The following PIK3C2A variants were observed in gnomAD, a reference collection of about 807,000 sequenced individuals.
PIK3C2A encodes the protein phosphatidylinositol 4-phosphate 3-kinase C2 domain-containing subunit alpha.
In PIK3C2A, 97 loss-of-function variants were observed where a neutral mutation model predicts 204.5. The ratio of observed to expected loss-of-function variants is 0.47; its 90% CI spans 0.40 to 0.56. The LOEUF (loss-of-function observed/expected upper bound fraction) is 0.56, where lower values mean the gene tolerates loss of function less well. Ranked by LOEUF, PIK3C2A falls within the 20% of genes least tolerant of loss-of-function variation. The pLI is 0.00. For synonymous variants in PIK3C2A, 653 were observed against 664.4 expected (o/e 0.98, Z 0.26); for missense variants, 1,735 against 1,969.2 (o/e 0.88, Z 2.25).
At chr11:17,137,423 C>CTTTTTTTCTT (rs146080224) in intron 8 of PIK3C2A, among the ~76,000 whole-genome samples, 1 of 125,050 alleles carries the variant, frequency 8.0e-6, no homozygotes, top group African/African-American at 3.0e-5. Context: ...ATTACTTTGC[C>CTTTTTTTCTT]TTTTTTTTTG....
rs143379015 is a variant in PIK3C2A at position 17,168,843 on chromosome 11, G to C, written c.899C>G (p.Ala300Gly). The C allele has an allele frequency of 6.2e-7, 1 of 1,614,052 alleles. No homozygotes were observed. Among genetic ancestry groups the C allele is most frequent in the South Asian group, 1.1e-5 (1 of 91,076 alleles). The change falls in exon 2 of 33, where the codon GCA becomes GGA. Residue 300 changes from alanine to glycine, a missense_variant. By Grantham distance (60) the Ala-to-Gly change is moderately conservative. Around this residue, in one of 6 missense-constraint regions of PIK3C2A, gnomAD observed 536 missense variants for 546.7 expected, o/e 0.98. Coordinates refer to ENST00000691414, the MANE Select transcript of PIK3C2A (RefSeq NM_002645.4). The part of the protein sequence containing the change: ...EEEKNVSSLL[A>G]KDPWDAVLLE... ...AAGAACAGCATCCCAAGGATCCTTT[G>C]CTAGCAAACTTGAAACATTTTTCTC...
intron 23 of PIK3C2A, among the ~76,000 whole-genome samples, chr11:17,104,707 A>G (rs11608038): frequency 0.25 from 34,292 of 139,264 alleles, 5,050 homozygotes; most frequent in East Asian, 0.38. Context: ...CCTGGGTGAC[A>G]GAGTGAGACT....
intron 1 of PIK3C2A, among the ~76,000 whole-genome samples, chr11:17,185,188 T>C (rs1851712892): frequency 6.6e-6 from 1 of 152,178 alleles, no homozygotes; most frequent in African/African-American, 2.4e-5. Context: ...GCCTTTTCTA[T>C]GTTTAGATAC....
intron 21 of PIK3C2A, among the ~76,000 whole-genome samples, chr11:17,111,455 C>G (rs1026560893): frequency 6.6e-6 from 1 of 152,104 alleles, no homozygotes. Flanking sequence ...TACTTTTTAA[C>G]TAAAACTTGA....
At chr11:17,151,685 C>T (rs780383707) in intron 3 of PIK3C2A, among the ~76,000 whole-genome samples, 1 of 152,030 alleles carries the variant, frequency 6.6e-6, no homozygotes, top group Non-Finnish European at 1.5e-5. Context: ...CTACTACTTA[C>T]CTGATAGGGT....
At chr11:17,172,099 G>C (rs932120626) in intron 1 of PIK3C2A, among the ~76,000 whole-genome samples, 1 of 152,146 alleles carries the variant, frequency 6.6e-6, no homozygotes, top group Non-Finnish European at 1.5e-5. Flanking sequence ...CTGGATAGTA[G>C]GGAATAGGAG....
chr11:17,095,851 C>G (rs1848438908), intron 27 of PIK3C2A, among the ~76,000 whole-genome samples: 1 of 147,840 alleles, frequency 6.8e-6, no homozygotes, highest in African/African-American at 2.5e-5. Context: ...CTGGGAGGCA[C>G]AGGTTTCAGG....
intron 9 of PIK3C2A, among the ~76,000 whole-genome samples, chr11:17,136,116 G>C (rs1565266249): frequency 6.6e-6 from 1 of 152,108 alleles, no homozygotes; most frequent in Non-Finnish European, 1.5e-5. Flanking sequence ...TCAGTGATTA[G>C]AACTTCCCTC....
At chr11:17,145,271 C>A (rs1403072517) in intron 8 of PIK3C2A, among the ~76,000 whole-genome samples, 2 of 152,106 alleles carry the variant, frequency 1.3e-5, no homozygotes, top group African/African-American at 2.4e-5. Flanking sequence ...ATGTCCCCCC[C>A]AAATCTCACC....
chr11:17,090,148 A>G (rs1016483676), intron 32 of PIK3C2A, among the ~76,000 whole-genome samples: 2 of 152,226 alleles, frequency 1.3e-5, no homozygotes, highest in African/African-American at 4.8e-5. Flanking sequence ...AGAGAGATAC[A>G]AAGCAAGACT....
chr11:17,180,872 T>A (rs1425628499), intron 1 of PIK3C2A, among the ~76,000 whole-genome samples: 1 of 152,176 alleles, frequency 6.6e-6, no homozygotes, highest in Non-Finnish European at 1.5e-5. Context: ...TGCCTTCAAA[T>A]CAAGGGTTCC....
At chr11:17,193,868 A>AGGAGGGGAGGGGAGGGGAGGGGAGG (rs1565305762) in intron 1 of PIK3C2A, 1 of 106,128 alleles carries the variant, frequency 9.4e-6, no homozygotes. Flanking sequence ...AAAAGAAAAG[A>AGGAGGGGAGGGGAGGGGAGGGGAGG]AAAGAAAAGA....
chr11:17,098,365 G>C (rs1214608395), intron 26 of PIK3C2A, among the ~76,000 whole-genome samples: 1 of 152,210 alleles, frequency 6.6e-6, no homozygotes, highest in South Asian at 2.1e-4. Flanking sequence ...GAGAGAGCTA[G>C]TTCTCCCTAC....
At chr11:17,205,910 C>A (rs542671308) in intron 1 of PIK3C2A, among the ~76,000 whole-genome samples, 2 of 152,308 alleles carry the variant, frequency 1.3e-5, no homozygotes, top group African/African-American at 4.8e-5. Flanking sequence ...CACTTGAGGT[C>A]AGGAGTTCGA....
At chr11:17,105,398 C>T in intron 22 of PIK3C2A, 93 bp from the exon 23 acceptor site, 1 of 1,100,816 alleles carries the variant, frequency 9.1e-7, no homozygotes, top group Non-Finnish European at 1.3e-6. Flanking sequence ...TTAAATTTCA[C>T]TTTAAGTTCT....
chr11:17,202,903 CTG>C (rs535808013), intron 1 of PIK3C2A, among the ~76,000 whole-genome samples: 158 of 152,260 alleles, frequency 1.0e-3, no homozygotes, highest in African/African-American at 3.7e-3. Context: ...AATAATGTAA[CTG>C]TTATACTGTA....
intron 1 of PIK3C2A, among the ~76,000 whole-genome samples, chr11:17,186,636 A>T (rs1565300664): frequency 6.6e-6 from 1 of 152,228 alleles, no homozygotes; most frequent in Non-Finnish European, 1.5e-5. Context: ...ATATGCCGTC[A>T]ATTTCTTCCT....
At chr11:17,142,445 G>A (rs776440569) in intron 8 of PIK3C2A, among the ~76,000 whole-genome samples, 1 of 152,114 alleles carries the variant, frequency 6.6e-6, no homozygotes, top group East Asian at 1.9e-4. Flanking sequence ...GCAGAAGGTG[G>A]TATCCCAGAT....
At chr11:17,128,776 G>C (rs1478369285) in intron 13 of PIK3C2A, among the ~76,000 whole-genome samples, 1 of 152,164 alleles carries the variant, frequency 6.6e-6, no homozygotes, top group African/African-American at 2.4e-5. Flanking sequence ...TTACCCCTAA[G>C]GATAAGGGAA....
Sources: allele counts gnomAD v4.1 joint callset (sites outside exome capture counted in the v4.1 genomes callset), GRCh38; gene constraint gnomAD v4.1.1; regional missense constraint gnomAD v4.1.1; transcripts MANE v1.5; gene names NCBI Gene and HGNC (gene_info 2026-07-23, HGNC 2026-07-21).